The following LINGO2 variants were observed in gnomAD, a reference collection of about 807,000 sequenced individuals.
LINGO2 encodes leucine rich repeat and Ig domain containing 2.
A neutral mutation model predicts 30.6 loss-of-function variants in LINGO2; 14 were observed. That is an observed-to-expected ratio of 0.46 (90% CI 0.30 to 0.72). LINGO2 has a LOEUF of 0.72. Ranked by LOEUF, LINGO2 falls within the 30% of genes least tolerant of loss-of-function variation. LINGO2 has a pLI of 0.07. For synonymous variants in LINGO2, 317 were observed against 288.5 expected, an observed-to-expected ratio of 1.10 and a Z score of -1.00; for missense variants, 729 against 751.7, an observed-to-expected ratio of 0.97 and a Z score of 0.35.
chr9:27,943,616 G>GTTT (rs1554641890), downstream of LINGO2: 49,158 of 148,326 alleles, frequency 0.33, 8,291 homozygotes, highest in Middle Eastern at 0.43. Flanking sequence ...TAGCTGGAGG[G>GTTT]TTTTTTTTTT....
At chr9:28,021,832 T>C (rs187693973) in intron 4 of LINGO2, among the ~76,000 whole-genome samples, 67 of 150,244 alleles carry the variant, frequency 4.5e-4, no homozygotes, top group African/African-American at 1.6e-3. Context: ...TAAAATTTTT[T>C]CCATCTTTGT....
At chr9:27,996,073 A>G (rs1413412747) in intron 5 of LINGO2, among the ~76,000 whole-genome samples, 1 of 152,188 alleles carries the variant, frequency 6.6e-6, no homozygotes, top group Non-Finnish European at 1.5e-5. Context: ...AATACAAATC[A>G]TAACCACAGT....
chr9:28,535,723 G>GAC (rs1264655192), intron 1 of LINGO2, among the ~76,000 whole-genome samples: 2 of 138,852 alleles, frequency 1.4e-5, no homozygotes, highest in East Asian at 2.0e-4. Context: ...CACACGTGTG[G>GAC]ACGCACACAC....
At chr9:28,889,947 A>C in the LINGO2 span, among the ~76,000 whole-genome samples, 1 of 152,050 alleles carries the variant, frequency 6.6e-6, no homozygotes, top group African/African-American at 2.4e-5. Context: ...ATATTCCACT[A>C]TCTCTTCTCC....
At chr9:28,360,625 G>T (rs1820402937) in intron 3 of LINGO2, among the ~76,000 whole-genome samples, 2 of 152,192 alleles carry the variant, frequency 1.3e-5, no homozygotes, top group Admixed American at 6.5e-5. Flanking sequence ...AAAGATGCCT[G>T]AAACCGCAGA....
chr9:28,450,799 G>C (rs1824619185), intron 2 of LINGO2, among the ~76,000 whole-genome samples: 1 of 151,700 alleles, frequency 6.6e-6, no homozygotes, highest in African/African-American at 2.4e-5. Context: ...ATATTAACTT[G>C]GCTGGAAGAG....
the LINGO2 span, among the ~76,000 whole-genome samples, chr9:28,818,540 C>A: frequency 9.9e-5 from 15 of 152,078 alleles, no homozygotes; most frequent in East Asian, 3.9e-4. Context: ...TGCCCGCAAC[C>A]ACATTCAGCT....
At chr9:28,826,703 G>A in the LINGO2 span, among the ~76,000 whole-genome samples, 4 of 152,178 alleles carry the variant, frequency 2.6e-5, no homozygotes, top group African/African-American at 9.6e-5. Flanking sequence ...AAGTCACTCT[G>A]AATAAGACAA....
At chr9:28,660,911 T>C (rs923670736) in intron 1 of LINGO2, among the ~76,000 whole-genome samples, 2 of 152,166 alleles carry the variant, frequency 1.3e-5, no homozygotes, top group Admixed American at 1.3e-4. Context: ...CTTTGATTGA[T>C]GAACCAGACT....
chr9:28,288,126 A>G (rs1033025263), intron 4 of LINGO2, among the ~76,000 whole-genome samples: 1 of 152,128 alleles, frequency 6.6e-6, no homozygotes, highest in Non-Finnish European at 1.5e-5. Flanking sequence ...AATCTTTTTA[A>G]AAACATATAT....
the LINGO2 span, among the ~76,000 whole-genome samples, chr9:29,033,806 C>T: frequency 1.3e-5 from 2 of 151,924 alleles, no homozygotes; most frequent in East Asian, 3.9e-4. Flanking sequence ...TTTGCCACTT[C>T]GCATGTCAGA....
chr9:28,737,230 G>A, the LINGO2 span, among the ~76,000 whole-genome samples: 1 of 152,164 alleles, frequency 6.6e-6, no homozygotes, highest in Non-Finnish European at 1.5e-5. Context: ...GGAGGCCTGG[G>A]CAGTCCCCAG....
At chr9:28,416,637 G>T (rs1822978437) in intron 2 of LINGO2, among the ~76,000 whole-genome samples, 1 of 152,004 alleles carries the variant, frequency 6.6e-6, no homozygotes, top group East Asian at 1.9e-4. Flanking sequence ...CATGCAAGAG[G>T]CCCTCAAAAT....
At chr9:28,911,925 G>A in the LINGO2 span, among the ~76,000 whole-genome samples, 1 of 151,980 alleles carries the variant, frequency 6.6e-6, no homozygotes, top group Non-Finnish European at 1.5e-5. Context: ...TTACTCAGCA[G>A]CCAAACATCA....
the LINGO2 span, among the ~76,000 whole-genome samples, chr9:29,194,669 T>G: frequency 1.2e-4 from 19 of 152,156 alleles, no homozygotes; most frequent in Non-Finnish European, 1.5e-4. Context: ...GATCACAAGG[T>G]GGCAAGAGAT....
chr9:28,819,182 C>G, the LINGO2 span, among the ~76,000 whole-genome samples: 1 of 152,140 alleles, frequency 6.6e-6, no homozygotes. Flanking sequence ...CATCACAGCA[C>G]ACTCACCACC....
chr9:28,180,468 G>C (rs1482533085), intron 4 of LINGO2, among the ~76,000 whole-genome samples: 2 of 151,968 alleles, frequency 1.3e-5, no homozygotes, highest in African/African-American at 4.8e-5. Flanking sequence ...TGATCACTAC[G>C]GTCATTATTT....
chr9:28,490,858 A>C (rs1250459392), intron 1 of LINGO2, among the ~76,000 whole-genome samples: 1 of 152,224 alleles, frequency 6.6e-6, no homozygotes, highest in African/African-American at 2.4e-5. Flanking sequence ...ACTTCAAGAA[A>C]ACTATTCTAC....
At chr9:29,113,697 C>G in the LINGO2 span, among the ~76,000 whole-genome samples, 1 of 152,186 alleles carries the variant, frequency 6.6e-6, no homozygotes, top group Non-Finnish European at 1.5e-5. Context: ...GGATCAAGAT[C>G]TTGAAGCATT....
Sources: allele counts gnomAD v4.1 joint callset (sites outside exome capture counted in the v4.1 genomes callset), GRCh38; gene constraint gnomAD v4.1.1; transcripts MANE v1.5; gene names NCBI Gene and HGNC (gene_info 2026-07-23, HGNC 2026-07-21).